SLCO1B3: variants seen among roughly 807,000 people sequenced by gnomAD.
SLCO1B3 encodes the protein solute carrier organic anion transporter family member 1B3.
Under a neutral mutation model 71.8 loss-of-function variants are expected in SLCO1B3, and 72 were observed. The ratio of observed to expected loss-of-function variants is 1.00; its 90% confidence interval spans 0.83 to 1.22. SLCO1B3 has a LOEUF of 1.22. SLCO1B3 is among the 50% of genes most tolerant of loss of function. The probability of loss-of-function intolerance (pLI) is 0.00; values close to 1 mark genes in which losing one functional copy is unlikely to be tolerated. For missense variants in SLCO1B3, 911 were observed against 819.7 expected (o/e 1.11, Z -1.36); for synonymous variants, 298 against 278.4 (o/e 1.07, Z -0.70).
In SLCO1B3 at chr12:20,883,418, G is replaced by A. The variant is rs1167314835; in HGVS notation, c.1498G>A (p.Val500Met). The change falls in exon 13 of 16, where the codon GTG (valine) becomes ATG (methionine). Residue 500 changes from valine to methionine, a missense_variant and splice_region_variant. Physicochemically the swap from Val to Met is conservative, Grantham distance 21. Coordinates refer to ENST00000381545, the MANE Select transcript of SLCO1B3 (RefSeq NM_019844.4). ...TTAATATTTCAAAAACTATTTTTAGGTGTTTTATAACTGTAGTTGTGTGGA... is the reference window on the plus strand; with the variant it reads ...TTAATATTTCAAAAACTATTTTTAGATGTTTTATAACTGTAGTTGTGTGGA... Reference protein sequence around the residue: ...KSSSGIKKHTVFYNCSCVEVT... With the variant: ...KSSSGIKKHTMFYNCSCVEVT... 6.7e-7 allele frequency: 1 copy of A among 1,503,566 alleles called. No individual in the cohort carries two copies. 93.1% of individuals were successfully genotyped at this position (1,503,566 alleles called of 1,614,324 possible). A position where few individuals can be genotyped will look rare whatever the true frequency, so the allele number is the denominator to read the frequency against.
At chr12:20,909,473 A>G (rs993270123) in intron 15 of SLCO1B3, among the ~76,000 whole-genome samples, 6 of 151,790 alleles carry the variant, frequency 4.0e-5, no homozygotes, top group Non-Finnish European at 8.8e-5. Context: ...ACACCCGGTC[A>G]TGAAGCATCT....
At chr12:20,857,793 A>C (rs1030197899) in intron 4 of SLCO1B3, among the ~76,000 whole-genome samples, 1 of 152,050 alleles carries the variant, frequency 6.6e-6, no homozygotes, top group Non-Finnish European at 1.5e-5. Context: ...GTTCAATGTT[A>C]TATATAAGGC....
chr12:20,847,523 C>T (rs539558699), intron 3 of SLCO1B3, among the ~76,000 whole-genome samples: 14 of 138,202 alleles, frequency 1.0e-4, no homozygotes, highest in African/African-American at 2.5e-4. Flanking sequence ...TCAGACAACC[C>T]AGCTTTCAGA....
chr12:20,868,807 A>G lies in SLCO1B3; in HGVS notation c.727+5953A>G, dbSNP rs547761485. On this transcript the variant is annotated intron_variant, in intron 8 of 15. Transcript: ENST00000381545. ...GGGTAAAGAGTGTGAGTCATCTCCA[A>G]TGATAGGTAAGGTCACGTGGATCAC... Among the ~76,000 whole-genome samples, 237 of 152,234 alleles carry G rather than the reference A, an allele frequency of 1.6e-3. 2 individuals are homozygous for G. Among genetic ancestry groups the G allele is most frequent in the African/African-American group, 5.6e-3 (232 of 41,564 alleles).
At chr12:20,863,280 A>G (rs756136680) in intron 8 of SLCO1B3, among the ~76,000 whole-genome samples, 4 of 152,108 alleles carry the variant, frequency 2.6e-5, no homozygotes, top group Non-Finnish European at 5.9e-5. Context: ...GAGAGGCCAC[A>G]GTGCACTTTG....
chr12:20,837,989 A>G (rs1864717753), intron 3 of SLCO1B3, among the ~76,000 whole-genome samples: 1 of 152,010 alleles, frequency 6.6e-6, no homozygotes, highest in Non-Finnish European at 1.5e-5. Context: ...TTTTTACTTC[A>G]TAGAATTTGA....
At chr12:20,891,605 C>T (rs1379457695) in intron 13 of SLCO1B3, among the ~76,000 whole-genome samples, 2 of 152,048 alleles carry the variant, frequency 1.3e-5, no homozygotes. Context: ...GTTATTCTTT[C>T]AAACAAGTTT....
At chr12:20,820,476 G>A (rs1003019250) in intron 3 of SLCO1B3, among the ~76,000 whole-genome samples, 1 of 152,160 alleles carries the variant, frequency 6.6e-6, no homozygotes, top group Non-Finnish European at 1.5e-5. Flanking sequence ...CAAGCTCCTG[G>A]GGGAGGAGGT....
At chr12:20,905,482 A>G in intron 15 of SLCO1B3, among the ~76,000 whole-genome samples, 1 of 152,184 alleles carries the variant, frequency 6.6e-6, no homozygotes, top group South Asian at 2.1e-4. Context: ...CTCTTTGTTC[A>G]CACATATGAG....
chr12:20,863,283 G>A (rs1475361011), intron 8 of SLCO1B3, among the ~76,000 whole-genome samples: 6 of 152,152 alleles, frequency 3.9e-5, no homozygotes, highest in African/African-American at 1.4e-4. Flanking sequence ...AGGCCACAGT[G>A]CACTTTGGTT....
In SLCO1B3 at chr12:20,879,613, T is replaced by C. The variant is rs189943255; in HGVS notation, c.1313T>C (p.Leu438Pro). ...TGCGAAAGCAAATCAGTTGCCGGCC[T>C]AACCTTGACCTATGATGGGTTTGTA... The part of the protein sequence containing the change: ...LICESKSVAG[L>P]TLTYDGNNSV... The change falls in exon 11 of 16, where the codon CTA becomes CCA. Residue 438 changes from leucine (L) to proline (P), a missense_variant. Transcript: ENST00000381545. 1.6e-4 allele frequency: 256 copies of C among 1,609,400 alleles called. 2 individuals are homozygous for C. In the Admixed American group the frequency reaches 3.8e-3, roughly 24 times the overall value.
chr12:20,883,972 G>A (rs1432428004), intron 13 of SLCO1B3, among the ~76,000 whole-genome samples: 1 of 152,106 alleles, frequency 6.6e-6, no homozygotes, highest in Non-Finnish European at 1.5e-5. Context: ...TTCATTGAAA[G>A]AAAACATTTA....
At chr12:20,836,512 A>G (rs1446069805) in intron 3 of SLCO1B3, among the ~76,000 whole-genome samples, 1 of 152,184 alleles carries the variant, frequency 6.6e-6, no homozygotes, top group Non-Finnish European at 1.5e-5. Context: ...GCCTCATGGA[A>G]TAAGATAGAA....
chr12:20,913,241 A>T (rs151301668), intron 15 of SLCO1B3, among the ~76,000 whole-genome samples: 181 of 152,226 alleles, frequency 1.2e-3, no homozygotes, highest in Non-Finnish European at 2.1e-3. Flanking sequence ...AACATTGTCC[A>T]TAGGTTCTTA....
At chr12:20,819,403 T>A (rs938245346) in intron 3 of SLCO1B3, among the ~76,000 whole-genome samples, 8 of 152,102 alleles carry the variant, frequency 5.3e-5, no homozygotes, top group Non-Finnish European at 8.8e-5. Context: ...CCCAGGTAAT[T>A]TGCTGAGCCT....
chr12:20,832,243 G>T (rs1173657064), intron 3 of SLCO1B3, among the ~76,000 whole-genome samples: 1 of 152,106 alleles, frequency 6.6e-6, no homozygotes, highest in African/African-American at 2.4e-5. Context: ...TTACTGAGTT[G>T]CATATACAGA....
chr12:20,915,403 G>A (rs1549970), intron 15 of SLCO1B3, among the ~76,000 whole-genome samples: 119,719 of 152,056 alleles, frequency 0.79, 51,477 homozygotes, highest in South Asian at 0.95. Context: ...TAGACCACTT[G>A]ACAAATTAAT....
chr12:20,869,185 C>T (rs1214327863), intron 8 of SLCO1B3, among the ~76,000 whole-genome samples: 2 of 152,268 alleles, frequency 1.3e-5, no homozygotes, highest in East Asian at 3.9e-4. Context: ...GGGTGTTGTT[C>T]CTTGACACTT....
At chr12:20,891,517 A>G (rs1428515898) in intron 13 of SLCO1B3, among the ~76,000 whole-genome samples, 3 of 152,042 alleles carry the variant, frequency 2.0e-5, no homozygotes, top group African/African-American at 7.2e-5. Context: ...TTATTCTTGC[A>G]ATGCATCTCA....
Sources: allele counts gnomAD v4.1 joint callset (sites outside exome capture counted in the v4.1 genomes callset), GRCh38; gene constraint gnomAD v4.1.1; transcripts MANE v1.5; gene names NCBI Gene and HGNC (gene_info 2026-07-23, HGNC 2026-07-21).